STARD13: variants seen among roughly 807,000 people sequenced by gnomAD.
The protein encoded by STARD13 is stAR-related lipid transfer protein 13.
In STARD13, 62 loss-of-function variants were observed where a neutral mutation model predicts 106.4. The ratio of observed to expected loss-of-function variants is 0.58; its 90% confidence interval spans 0.48 to 0.72. The LOEUF is 0.72. STARD13 is among the 30% of genes least tolerant of loss of function. STARD13 has a pLI of 0.00. For missense variants in STARD13, 1,387 were observed against 1,424.0 expected (o/e 0.97, Z 0.42); for synonymous variants, 565 against 553.0 (o/e 1.02, Z -0.31).
chr13:33,202,567 G>A (rs1360365950), intron 1 of STARD13, among the ~76,000 whole-genome samples: 1 of 152,212 alleles, frequency 6.6e-6, no homozygotes. Context: ...GAAGGAAGAT[G>A]TGTAAATAAA....
the STARD13 span, among the ~76,000 whole-genome samples, chr13:33,490,192 C>T: frequency 2.6e-5 from 4 of 151,880 alleles, no homozygotes; most frequent in African/African-American, 4.8e-5. Flanking sequence ...GCTTATTTTG[C>T]GCTGGGGAAT....
At chr13:33,539,120 A>C in the STARD13 span, among the ~76,000 whole-genome samples, 1 of 152,216 alleles carries the variant, frequency 6.6e-6, no homozygotes, top group Non-Finnish European at 1.5e-5. Flanking sequence ...AAAATTCTAG[A>C]ACTAAAATAA....
the STARD13 span, among the ~76,000 whole-genome samples, chr13:33,445,872 A>T: frequency 6.6e-6 from 1 of 152,172 alleles, no homozygotes; most frequent in Non-Finnish European, 1.5e-5. Context: ...TCTATTCATG[A>T]GGGATCTGCC....
the STARD13 span, among the ~76,000 whole-genome samples, chr13:33,645,299 G>C: frequency 6.6e-6 from 1 of 152,172 alleles, no homozygotes; most frequent in African/African-American, 2.4e-5. Flanking sequence ...CACAGGGAGA[G>C]AAAGGCCTCA....
chr13:33,528,257 C>CATATATATGTATATATATATATATAT, the STARD13 span, among the ~76,000 whole-genome samples: 33 of 92,888 alleles, frequency 3.6e-4, no homozygotes, highest in Admixed American at 6.5e-4. Context: ...TATATATATA[C>CATATATATGTATATATATATATATAT]ATATATATAT....
At chr13:33,282,693 T>C (rs1891851835) in intron 1 of STARD13, among the ~76,000 whole-genome samples, 1 of 152,206 alleles carries the variant, frequency 6.6e-6, no homozygotes, top group Non-Finnish European at 1.5e-5. Flanking sequence ...AAAATAATGC[T>C]GTCATTAATT....
chr13:33,493,177 A>T, the STARD13 span, among the ~76,000 whole-genome samples: 6 of 152,174 alleles, frequency 3.9e-5, no homozygotes, highest in East Asian at 1.2e-3. Context: ...AAAGTTTGCC[A>T]TGATCACCTG....
chr13:33,580,094 C>T, the STARD13 span, among the ~76,000 whole-genome samples: 1 of 152,060 alleles, frequency 6.6e-6, no homozygotes, highest in Non-Finnish European at 1.5e-5. Context: ...CTTATATTTA[C>T]ACAAAAAACT....
intron 7 of STARD13, among the ~76,000 whole-genome samples, chr13:33,124,242 C>A (rs771452349): frequency 6.6e-6 from 1 of 152,154 alleles, no homozygotes; most frequent in Non-Finnish European, 1.5e-5. Context: ...GTGCTTCCCA[C>A]ACCACATTGA....
At chr13:33,245,186 A>G (rs1594159202) in intron 1 of STARD13, among the ~76,000 whole-genome samples, 1 of 152,204 alleles carries the variant, frequency 6.6e-6, no homozygotes. Context: ...ATCCTTTACT[A>G]TTGGTTCTAG....
chr13:33,523,397 C>T, the STARD13 span, among the ~76,000 whole-genome samples: 1 of 152,024 alleles, frequency 6.6e-6, no homozygotes, highest in Non-Finnish European at 1.5e-5. Context: ...TGTTTACTGT[C>T]AGAAGGACAC....
the STARD13 span, among the ~76,000 whole-genome samples, chr13:33,445,082 T>C: frequency 6.6e-6 from 1 of 152,194 alleles, no homozygotes; most frequent in African/African-American, 2.4e-5. Flanking sequence ...TGGGAGGCTA[T>C]GTCCCTTAGG....
At chr13:33,654,268 T>A in the STARD13 span, among the ~76,000 whole-genome samples, 1 of 152,154 alleles carries the variant, frequency 6.6e-6, no homozygotes, top group Non-Finnish European at 1.5e-5. Flanking sequence ...ACAAATAGAA[T>A]TAAAGTATTA....
At position 33,109,766 on chromosome 13, in the gene STARD13, C is replaced by T. The variant is rs527393014; in HGVS notation, c.3047+107G>A. Reference sequence around the variant, plus strand: ...GGAAACAAGAGCCGGCTTAGTGTTCCCCGTGGAGGCTGGACTTTGGTGGGA... The same window carrying T: ...GGAAACAAGAGCCGGCTTAGTGTTCTCCGTGGAGGCTGGACTTTGGTGGGA... On this transcript the variant is annotated intron_variant, in intron 12 of 13. Coordinates refer to ENST00000336934, the MANE Select transcript of STARD13 (RefSeq NM_178006.4). 7 of 1,013,098 alleles carry T rather than the reference C, an allele frequency of 6.9e-6. No individual in the cohort carries two copies. In the South Asian group the frequency reaches 1.0e-4, roughly 15 times the overall value. 62.8% of individuals were successfully genotyped at this position (1,013,098 alleles called of 1,614,324 possible). A position where few individuals can be genotyped will look rare whatever the true frequency, so the allele number is the denominator to read the frequency against.
chr13:33,179,096 A>G (rs949974277), intron 1 of STARD13, among the ~76,000 whole-genome samples: 1 of 152,228 alleles, frequency 6.6e-6, no homozygotes, highest in Non-Finnish European at 1.5e-5. Flanking sequence ...CTGTTTCTGG[A>G]ATAAAGCTCA....
the STARD13 span, among the ~76,000 whole-genome samples, chr13:33,369,719 T>C: frequency 6.6e-6 from 1 of 152,176 alleles, no homozygotes; most frequent in East Asian, 1.9e-4. Flanking sequence ...ATATATTTTT[T>C]ACATACAGTT....
chr13:33,485,827 C>A, the STARD13 span, among the ~76,000 whole-genome samples: 1 of 152,148 alleles, frequency 6.6e-6, no homozygotes, highest in Non-Finnish European at 1.5e-5. Context: ...TACAACCTTT[C>A]AATTTCAAAT....
chr13:33,186,159 C>G (rs1177946163), intron 1 of STARD13: 1 of 989,098 alleles, frequency 1.0e-6, no homozygotes, highest in Non-Finnish European at 1.4e-6. Context: ...CTCCACACTT[C>G]CTTTCCTCAT....
intron 13 of STARD13, 82 bp from the exon 14 acceptor site, chr13:33,105,792 T>G (rs1271536466): frequency 5.9e-6 from 7 of 1,196,478 alleles, no homozygotes; most frequent in Non-Finnish European, 6.2e-6. Flanking sequence ...AGGGCTGCCC[T>G]TGGGCCCCGA....
Sources: gnomAD v4.1 joint callset for allele counts (sites outside exome capture counted in the v4.1 genomes callset) on GRCh38, gnomAD v4.1.1 for gene constraint, MANE v1.5 for transcripts, NCBI Gene and HGNC (gene_info 2026-07-23, HGNC 2026-07-21) for gene names.